FN1: variants seen among roughly 807,000 people sequenced by gnomAD.
FN1 encodes the protein fibronectin.
FN1 carries 106 observed loss-of-function variants against 297.3 expected under a neutral mutation model. That is an observed-to-expected ratio of 0.36 (90% CI 0.30 to 0.42). The LOEUF (loss-of-function observed/expected upper bound fraction) is 0.42. Ranked by LOEUF, FN1 falls within the 10% of genes least tolerant of loss-of-function variation. The pLI is 1.00. For synonymous variants in FN1, 1,149 were observed against 1,152.6 expected (o/e 1.00, Z 0.06); for missense variants, 2,690 against 3,124.9 (o/e 0.86, Z 3.32).
chr2:215,361,723 T>C (rs768375970), intron 45 of FN1, 97 bp from the exon 46 acceptor site: 2 of 1,050,618 alleles, frequency 1.9e-6, no homozygotes, highest in African/African-American at 1.6e-5. Context: ...GACAGCTGCT[T>C]ATAGATAGGA....
rs1258010093 is a variant in FN1 at position 215,376,615 on chromosome 2, T to C, written c.5770A>G (p.Ser1924Gly). 2 of 1,613,784 alleles carry C rather than the reference T, an allele frequency of 1.2e-6. No homozygotes were observed. Among genetic ancestry groups the C allele is most frequent in the South Asian group, 1.1e-5 (1 of 91,058 alleles). Residue 1924 changes from serine to glycine, a missense_variant, in exon 36 of 46, where the codon AGC becomes GGC. This residue lies in a region of FN1 where 1,743 missense variants were observed against 1,945.2 expected (regional missense o/e 0.90). Transcript: ENST00000354785. Reference sequence around the variant, plus strand: ...ATCGTCTCAGTCTTGGTTCTCCAGCTAATGGTGATGGTGGTCTCAGTAGCA... The same window carrying C: ...ATCGTCTCAGTCTTGGTTCTCCAGCCAATGGTGATGGTGGTCTCAGTAGCA... ...TDATETTITI[S>G]WRTKTETITG...
chr2:215,417,680 T>A (rs1236320470), intron 12 of FN1, among the ~76,000 whole-genome samples: 1 of 152,128 alleles, frequency 6.6e-6, no homozygotes, highest in East Asian at 1.9e-4. Flanking sequence ...ATATCTGAGG[T>A]CAAATTCCAA....
rs1553600561 is a variant in FN1 at position 215,370,540 on chromosome 2, C to CCAAAAAAAAAAA, written c.6715-109_6715-108insTTTTTTTTTTTG. ...ACTGTTTAAACAAAGCAAAGGAAGA[C>CCAAAAAAAAAAA]AAAAAACAAAAAACAAAAAAAAAAA... is the stretch of plus-strand genomic sequence containing the variant. On this transcript the variant is annotated intron_variant, in intron 40 of 45. Coordinates refer to ENST00000354785, the MANE Select transcript of FN1 (RefSeq NM_212482.4). 1.7e-5 allele frequency: 5 copies of CCAAAAAAAAAAA among 300,096 alleles called. No homozygotes were observed. The African/African-American group carries it at 1.8e-4, about 11-fold the overall frequency. The allele number at this position is 300,096 out of a possible 1,614,324, so 18.6% of individuals were successfully genotyped here.
rs571024491 is a variant in FN1 at position 215,378,370 on chromosome 2, A to T, written c.5623-108T>A. 4 of 707,564 alleles carry T rather than the reference A, an allele frequency of 5.7e-6. No homozygotes were observed. The South Asian group carries it at 5.9e-5, about 10-fold the overall frequency. The allele number at this position is 707,564 out of a possible 1,614,324, so 43.8% of individuals were successfully genotyped here. A position where few individuals can be genotyped will look rare whatever the true frequency, so the allele number is the denominator to read the frequency against. On this transcript the variant is annotated intron_variant, in intron 34 of 45. Coordinates refer to ENST00000354785, the MANE Select transcript of FN1 (RefSeq NM_212482.4). The stretch of plus-strand genomic sequence containing the variant: ...AATGGTTAGAAAATAAAAAATAAAC[A>T]AACCAGCAAAACCCACAACCTTGAA...
intron 8 of FN1, among the ~76,000 whole-genome samples, chr2:215,423,752 C>CA (rs2064860943): frequency 6.6e-6 from 1 of 151,838 alleles, no homozygotes; most frequent in Admixed American, 6.6e-5. Flanking sequence ...CCCCAGCACC[C>CA]CCCCCACAAA....
At chr2:215,428,055 T>C in intron 6 of FN1, 125 bp downstream of exon 6, 7 of 1,173,144 alleles carry the variant, frequency 6.0e-6, no homozygotes, top group Non-Finnish European at 8.8e-6. Context: ...GTGTAAATTA[T>C]CTTAGGTTAT....
rs1407654355 is a variant in FN1 at position 215,379,206 on chromosome 2, G to T, written c.5546C>A (p.Pro1849His). 6.2e-7 allele frequency: 1 copy of T among 1,613,892 alleles called. No homozygotes were observed. Among genetic ancestry groups the T allele is most frequent in the Non-Finnish European group, 8.5e-7 (1 of 1,180,006 alleles). The change falls in exon 34 of 46, where the codon CCC becomes CAC. Residue 1849 changes from proline to histidine, a missense_variant. Pro to His is a moderately conservative substitution (Grantham distance 77). Around this residue, in one of 3 missense-constraint regions of FN1, gnomAD observed 1,743 missense variants for 1,945.2 expected, o/e 0.90. Transcript: ENST00000354785. ...QLTGYRVRVT[P>H]KEKTGPMKEI... ...TTTCATTGGTCCGGTCTTCTCCTTG[G>T]GGGTCACCCGCACTCGATATCCAGT...
chr2:215,408,090 G>C lies in FN1; in HGVS notation c.2518+18C>G, dbSNP rs530442706. On this transcript the variant is annotated intron_variant, in intron 17 of 45. Coordinates refer to ENST00000354785, the MANE Select transcript of FN1 (RefSeq NM_212482.4). ...TTAAGATTAACATAGCAGCCAAAGA[G>C]GGGGACGCTTAGCTGACCTGTGATG... 5.6e-6 allele frequency: 9 copies of C among 1,598,560 alleles called. No individual in the cohort carries two copies. Among genetic ancestry groups the C allele is most frequent in the Admixed American group, 5.0e-5 (3 of 59,992 alleles).
intron 34 of FN1, among the ~76,000 whole-genome samples, chr2:215,378,632 A>G (rs529246275): frequency 6.6e-6 from 1 of 152,240 alleles, no homozygotes; most frequent in South Asian, 2.1e-4. Context: ...TTGTCTCTGA[A>G]CCCTCTTTCT....
At position 215,425,060 on chromosome 2, in the gene FN1, C is replaced by A. The variant is rs147394900; in HGVS notation, c.1036+34G>T. 1.4e-4 allele frequency: 224 copies of A among 1,578,588 alleles called. 1 individual carries two copies. In the African/African-American group the frequency reaches 2.5e-3, roughly 17 times the overall value. On this transcript the variant is annotated intron_variant, in intron 7 of 45. Coordinates refer to ENST00000354785, the MANE Select transcript of FN1 (RefSeq NM_212482.4). ...TCCTTCAAAAACTAAATAATAAAGT[C>A]ATCAGTCCTATTCTTCAAAAAGATA...
At chr2:215,429,634 TTCAG>T (rs745372852) in intron 5 of FN1, among the ~76,000 whole-genome samples, 5 of 152,224 alleles carry the variant, frequency 3.3e-5, no homozygotes, top group Non-Finnish European at 5.9e-5. Flanking sequence ...TAGCACTACT[TTCAG>T]TATTTCTGTT....
chr2:215,393,082 T>G lies in FN1; in HGVS notation c.3918A>C (p.Gly1306=). ...IGYRITVVAA[G]EGIPIFEDFV... The stretch of plus-strand genomic sequence containing the variant: ...AATCTTCAAAAATAGGGATACCTTC[T>G]CCTGCCGCAACTACTGTGATGCGGT... The change falls in exon 25 of 46, where the codon GGA becomes GGC. Residue 1306 remains glycine, a synonymous_variant. Transcript: ENST00000354785. The G allele has an allele frequency of 1.2e-6, 2 of 1,613,494 alleles. No homozygotes were observed. The highest frequency in any genetic ancestry group is 1.7e-6 in the Non-Finnish European group (2 of 1,179,954).
intron 3 of FN1, 28 bp from the exon 4 acceptor site, chr2:215,431,992 G>C (rs763289744): frequency 7.4e-6 from 12 of 1,612,472 alleles, no homozygotes; most frequent in Non-Finnish European, 9.3e-6. Flanking sequence ...AAAATGTTAG[G>C]AGAGGGCAGA....
chr2:215,408,528 G>A (rs909509033), intron 15 of FN1, 102 bp from the exon 16 acceptor site: 2 of 1,130,320 alleles, frequency 1.8e-6, no homozygotes, highest in Non-Finnish European at 2.7e-6. Flanking sequence ...TATTCATAGG[G>A]AAAAGCGACT....
At chr2:215,409,026 A>G (rs1429602625) in intron 15 of FN1, among the ~76,000 whole-genome samples, 1 of 152,130 alleles carries the variant, frequency 6.6e-6, no homozygotes. Context: ...TCTCTGCAGT[A>G]AGAGTCAGGG....
intron 13 of FN1, among the ~76,000 whole-genome samples, chr2:215,410,971 G>C (rs1354364770): frequency 6.6e-6 from 1 of 152,104 alleles, no homozygotes; most frequent in African/African-American, 2.4e-5. Context: ...AACTCAGTGG[G>C]ATACAATTCA....
In FN1 at chr2:215,415,003, A is replaced by G. The variant is rs927675628; in HGVS notation, c.1820-45T>C. The G allele has an allele frequency of 3.3e-6, 5 of 1,494,164 alleles. No individual in the cohort carries two copies. In the South Asian group the frequency reaches 5.7e-5, roughly 17 times the overall value. The allele number at this position is 1,494,164 out of a possible 1,614,324, so 92.6% of individuals were successfully genotyped here. A position where few individuals can be genotyped will look rare whatever the true frequency, so the allele number is the denominator to read the frequency against. On this transcript the variant is annotated intron_variant, in intron 12 of 45. Transcript: ENST00000354785. The stretch of plus-strand genomic sequence containing the variant: ...ATTTAATTATCTTGAATATTCACTC[A>G]CTTCAACTTAAAACTGTGTACATGG...
chr2:215,363,681 C>G (rs1451716288), intron 44 of FN1: 1 of 152,198 alleles, frequency 6.6e-6, no homozygotes, highest in Non-Finnish European at 1.5e-5. Context: ...GTGAAGCATG[C>G]CCCTCACCCA....
Position 215,425,291 on chromosome 2 carries a change from G to A in FN1, c.845-6C>T, listed in dbSNP as rs753757523. ...ATCGGTGAAGGGGCCAGATCCTAAT[G>A]GCATGAAAAGGGAATGTCACAAAAC... On this transcript the variant is annotated splice_region_variant and splice_polypyrimidine_tract_variant and intron_variant, in intron 6 of 45. Transcript: ENST00000354785. 1 of 1,613,678 alleles carries A rather than the reference G, an allele frequency of 6.2e-7. No individual in the cohort carries two copies. Among genetic ancestry groups the A allele is most frequent in the Admixed American group, 1.7e-5 (1 of 60,010 alleles).
Sources: allele counts gnomAD v4.1 joint callset (sites outside exome capture counted in the v4.1 genomes callset), GRCh38; gene constraint gnomAD v4.1.1; regional missense constraint gnomAD v4.1.1; transcripts MANE v1.5; gene names NCBI Gene and HGNC (gene_info 2026-07-23, HGNC 2026-07-21).